ECE1: variants seen among roughly 807,000 people sequenced by gnomAD.
The protein encoded by ECE1 is endothelin-converting enzyme 1.
A neutral mutation model predicts 98.6 loss-of-function variants in ECE1; 35 were observed. The ratio of observed to expected loss-of-function variants is 0.35; its 90% CI spans 0.27 to 0.47. ECE1 has a LOEUF of 0.47. Among genes scored for constraint, ECE1 ranks in the 20% least tolerant of loss-of-function variants. The pLI is 1.00. For missense variants in ECE1, 814 were observed against 1,025.3 expected, an observed-to-expected ratio of 0.79 and a Z score of 2.81; for synonymous variants, 394 against 407.1, an observed-to-expected ratio of 0.97 and a Z score of 0.39.
intron 2 of ECE1, 126 bp downstream of exon 2, chr1:21,289,944 G>T: frequency 8.5e-7 from 1 of 1,181,752 alleles, no homozygotes; most frequent in Non-Finnish European, 1.1e-6. Flanking sequence ...CCTCCCGGAT[G>T]CCGGGACGAG....
intron 1 of ECE1, among the ~76,000 whole-genome samples, chr1:21,328,798 T>C (rs950411844): frequency 6.8e-6 from 1 of 147,698 alleles, no homozygotes; most frequent in African/African-American, 2.5e-5. Flanking sequence ...AATCTCTGTG[T>C]GGAAGTCTGC....
At chr1:21,244,954 A>G in intron 10 of ECE1, 35 bp downstream of exon 10, 2 of 1,593,584 alleles carry the variant, frequency 1.3e-6, no homozygotes, top group African/African-American at 1.3e-5. Flanking sequence ...GTAGGCGCTC[A>G]GCCCATATTC....
intron 5 of ECE1, among the ~76,000 whole-genome samples, chr1:21,259,447 T>C (rs1283726271): frequency 1.3e-5 from 2 of 152,072 alleles, no homozygotes; most frequent in African/African-American, 4.8e-5. Flanking sequence ...TTTAAATTTT[T>C]TGGAGATGGG....
At chr1:21,286,851 G>C (rs887218144) in intron 2 of ECE1, among the ~76,000 whole-genome samples, 18 of 151,660 alleles carry the variant, frequency 1.2e-4, no homozygotes, top group African/African-American at 4.4e-4. Flanking sequence ...ACAGGTCAAG[G>C]CTGCTAGTAA....
At chr1:21,320,691 C>G (rs185746055) in intron 1 of ECE1, among the ~76,000 whole-genome samples, 2 of 152,342 alleles carry the variant, frequency 1.3e-5, no homozygotes, top group African/African-American at 2.4e-5. Flanking sequence ...TGTTCCAGAG[C>G]CTGTGCTCTT....
chr1:21,219,628 T>C lies in ECE1; in HGVS notation c.*327A>G. On this transcript the variant is annotated 3_prime_UTR_variant, in exon 19 of 19. Transcript: ENST00000374893. This position sits in a 1 kb window ranked among gnomAD's most constrained non-coding sequence, Gnocchi z 4.5. Reference sequence around the variant, plus strand: ...AAAATAGTTTCCCCAAAAATATATCTTGAAAGCATTTGACACAGTGGTATT... The same window carrying C: ...AAAATAGTTTCCCCAAAAATATATCCTGAAAGCATTTGACACAGTGGTATT... 8.0e-6 allele frequency: 3 copies of C among 375,034 alleles called. No homozygotes were observed. Among genetic ancestry groups the C allele is most frequent in the Non-Finnish European group, 1.5e-5 (3 of 200,418 alleles). The allele number at this position is 375,034 out of a possible 1,614,324, so 23.2% of individuals were successfully genotyped here.
At chr1:21,238,455 T>G (rs1452094067) in intron 10 of ECE1, 1 of 622,534 alleles carries the variant, frequency 1.6e-6, no homozygotes, top group Non-Finnish European at 2.9e-6. Flanking sequence ...TGCCAGGCTC[T>G]GTGCTGGGAC....
chr1:21,276,605 T>C (rs1234988618), intron 3 of ECE1, among the ~76,000 whole-genome samples: 2 of 152,032 alleles, frequency 1.3e-5, no homozygotes, highest in Admixed American at 6.6e-5. Flanking sequence ...AAAGGAAGCA[T>C]AGCAGGAAGG....
chr1:21,315,944 A>G (rs1177732521), intron 1 of ECE1, among the ~76,000 whole-genome samples: 1 of 152,180 alleles, frequency 6.6e-6, no homozygotes, highest in Non-Finnish European at 1.5e-5. Flanking sequence ...GTAGGACCTT[A>G]AGAATGGGAC....
chr1:21,294,440 G>A (rs1638297918), upstream of ECE1: 1 of 152,628 alleles, frequency 6.6e-6, no homozygotes, highest in South Asian at 2.1e-4. The surrounding 1 kb of genome is among the most constrained non-coding windows in gnomAD (Gnocchi z 4.2). Context: ...TAGTGTTCAA[G>A]AGGAGGGCCT....
At chr1:21,314,763 T>C (rs2103394517) in intron 1 of ECE1, among the ~76,000 whole-genome samples, 1 of 152,402 alleles carries the variant, frequency 6.6e-6, no homozygotes, top group African/African-American at 2.4e-5. Flanking sequence ...CTGTGCCATT[T>C]CCATGGGATC....
intron 1 of ECE1, among the ~76,000 whole-genome samples, chr1:21,344,574 C>T (rs900381284): frequency 1.3e-5 from 2 of 151,986 alleles, no homozygotes; most frequent in Non-Finnish European, 2.9e-5. Context: ...TCCCAACAGC[C>T]CCCCCCCAGG....
intron 1 of ECE1, among the ~76,000 whole-genome samples, chr1:21,341,895 C>G (rs935252619): frequency 6.6e-6 from 1 of 152,132 alleles, no homozygotes; most frequent in Non-Finnish European, 1.5e-5. Context: ...GCCTCGCCCC[C>G]GCAAAATGCT....
rs2103386478 is a variant in ECE1 at position 21,307,888 on chromosome 1, GT to G, written c.4-17733del. Among the ~76,000 whole-genome samples, 1 of 151,768 alleles carries G rather than the reference GT, an allele frequency of 6.6e-6. No homozygotes were observed. Among genetic ancestry groups the G allele is most frequent in the African/African-American group, 2.4e-5 (1 of 41,500 alleles). ...GGTTGGCCCCGCCTTGAGCATCCTT[GT>G]CAGGCAGAGATCTGGGCAGGACAGA... is the stretch of plus-strand genomic sequence containing the variant. On this transcript the variant is annotated intron_variant, in intron 1 of 18. Coordinates refer to the ECE1 transcript ENST00000415912. The surrounding 1 kb of genome is among the most constrained non-coding windows in gnomAD (Gnocchi z 4.2).
intron 10 of ECE1, among the ~76,000 whole-genome samples, chr1:21,238,587 GTGT>G (rs1462406975): frequency 3.3e-5 from 5 of 152,316 alleles, no homozygotes; most frequent in African/African-American, 9.6e-5. Flanking sequence ...CGAGTGACAA[GTGT>G]TGTTGGAATG....
intron 14 of ECE1, among the ~76,000 whole-genome samples, chr1:21,230,803 C>T (rs1279760920): frequency 1.3e-5 from 2 of 152,146 alleles, no homozygotes; most frequent in African/African-American, 2.4e-5. Flanking sequence ...AAAAGTAAAA[C>T]GATACCTCTC....
chr1:21,335,122 C>T (rs988783791), intron 1 of ECE1, among the ~76,000 whole-genome samples: 4 of 152,120 alleles, frequency 2.6e-5, no homozygotes, highest in Non-Finnish European at 5.9e-5. Flanking sequence ...CGTTCACCCC[C>T]TACATGTGCC....
At chr1:21,305,584 C>T (rs900482089) in intron 1 of ECE1, among the ~76,000 whole-genome samples, 5 of 152,176 alleles carry the variant, frequency 3.3e-5, no homozygotes, top group East Asian at 1.9e-4. Flanking sequence ...ACAGGAGAAC[C>T]GCTGTGTCAG....
chr1:21,231,059 C>G (rs550923832), intron 14 of ECE1, among the ~76,000 whole-genome samples: 1 of 151,816 alleles, frequency 6.6e-6, no homozygotes, highest in South Asian at 2.1e-4. Flanking sequence ...AACTCCCGAC[C>G]TCAGGTGATC....
Sources: allele counts gnomAD v4.1 joint callset (sites outside exome capture counted in the v4.1 genomes callset), GRCh38; gene constraint gnomAD v4.1.1; non-coding constraint Gnocchi (gnomAD v3.1); transcripts MANE v1.5; gene names NCBI Gene and HGNC (gene_info 2026-07-23, HGNC 2026-07-21).